Variants in DLGAP2 observed in about 807,000 individuals in gnomAD.
The protein encoded by DLGAP2 is DLG associated protein 2.
Under a neutral mutation model 100.3 loss-of-function variants are expected in DLGAP2, and 26 were observed. The ratio of observed to expected loss-of-function variants is 0.26; its 90% CI spans 0.19 to 0.36. The LOEUF (loss-of-function observed/expected upper bound fraction) is 0.36. Ranked by LOEUF, DLGAP2 falls within the 10% of genes least tolerant of loss-of-function variation. The probability of loss-of-function intolerance (pLI) is 1.00; values close to 1 mark genes in which losing one functional copy is unlikely to be tolerated. For missense variants in DLGAP2, 1,858 were observed against 1,453.2 expected (o/e 1.28, Z -4.53); for synonymous variants, 886 against 630.1 (o/e 1.41, Z -6.08).
intron 3 of DLGAP2, among the ~76,000 whole-genome samples, chr8:1,332,617 C>T (rs1236720431): frequency 6.6e-6 from 1 of 152,162 alleles, no homozygotes; most frequent in Admixed American, 6.5e-5. Context: ...GCACACTCAC[C>T]CCCTCCAGGT....
chr8:1,594,509 C>T (rs1796388362), intron 6 of DLGAP2, among the ~76,000 whole-genome samples: 1 of 152,066 alleles, frequency 6.6e-6, no homozygotes, highest in South Asian at 2.1e-4. Context: ...CATCGGTGAA[C>T]TCAAAGACAA....
At chr8:1,550,163 C>G (rs566683442) in intron 5 of DLGAP2, among the ~76,000 whole-genome samples, 1 of 152,206 alleles carries the variant, frequency 6.6e-6, no homozygotes, top group Non-Finnish European at 1.5e-5. Flanking sequence ...GCAGTTTCTT[C>G]CAGCTCACCT....
chr8:844,679 T>C (rs2132721121), intron 1 of DLGAP2, among the ~76,000 whole-genome samples: 1 of 152,384 alleles, frequency 6.6e-6, no homozygotes, highest in East Asian at 1.9e-4. Context: ...TTCAACCTCA[T>C]ATACATGAAA....
chr8:895,022 A>G (rs1046392049), intron 1 of DLGAP2, among the ~76,000 whole-genome samples: 10 of 11,210 alleles, frequency 8.9e-4, no homozygotes, highest in African/African-American at 1.8e-3. Flanking sequence ...AGGGTGGGGG[A>G]GTGGGGTGGT....
chr8:910,129 G>C (rs547046911), intron 2 of DLGAP2, among the ~76,000 whole-genome samples: 7 of 152,332 alleles, frequency 4.6e-5, no homozygotes, highest in African/African-American at 1.7e-4. Flanking sequence ...AGAATGTAGC[G>C]AATGCTCCAA....
chr8:981,332 C>A (rs1800325662), intron 2 of DLGAP2, among the ~76,000 whole-genome samples: 1 of 152,080 alleles, frequency 6.6e-6, no homozygotes. Flanking sequence ...CTGATGGGGA[C>A]TTTGGCTGTG....
intron 1 of DLGAP2, among the ~76,000 whole-genome samples, chr8:899,371 CCA>C (rs1218406296): frequency 6.6e-6 from 1 of 152,198 alleles, no homozygotes; most frequent in East Asian, 1.9e-4. Flanking sequence ...CTTCCCTGGG[CCA>C]CGCTGCTGAG....
chr8:888,332 C>T (rs1229649292), intron 1 of DLGAP2, among the ~76,000 whole-genome samples: 1 of 152,170 alleles, frequency 6.6e-6, no homozygotes, highest in East Asian at 1.9e-4. Context: ...GAACATGCTC[C>T]TTTAGCTCAT....
intron 2 of DLGAP2, among the ~76,000 whole-genome samples, chr8:1,185,343 A>G (rs1797476866): frequency 6.6e-6 from 1 of 152,126 alleles, no homozygotes; most frequent in African/African-American, 2.4e-5. Context: ...TGCTGACGTC[A>G]TCCTGGAATC....
At chr8:1,251,919 C>T (rs1018910022) in intron 2 of DLGAP2, among the ~76,000 whole-genome samples, 1 of 152,252 alleles carries the variant, frequency 6.6e-6, no homozygotes, top group African/African-American at 2.4e-5. Context: ...TCACGTGGGC[C>T]TGTTTTCCCA....
At chr8:1,152,148 T>G (rs1306661769) in intron 2 of DLGAP2, among the ~76,000 whole-genome samples, 1 of 152,266 alleles carries the variant, frequency 6.6e-6, no homozygotes, top group African/African-American at 2.4e-5. Context: ...TCTGTAAATT[T>G]TATTTGTAGA....
chr8:1,370,798 G>T (rs1335939057), intron 3 of DLGAP2, among the ~76,000 whole-genome samples: 1 of 152,204 alleles, frequency 6.6e-6, no homozygotes, highest in Non-Finnish European at 1.5e-5. Context: ...CCTGGGGCAA[G>T]TTCCACTCCT....
intron 3 of DLGAP2, among the ~76,000 whole-genome samples, chr8:1,491,247 C>T (rs1006704631): frequency 1.3e-5 from 2 of 152,168 alleles, no homozygotes; most frequent in Non-Finnish European, 2.9e-5. Flanking sequence ...ATGTAACTGG[C>T]GTCCCAGGTT....
At chr8:922,435 T>C (rs1798734333) in intron 2 of DLGAP2, among the ~76,000 whole-genome samples, 1 of 152,194 alleles carries the variant, frequency 6.6e-6, no homozygotes, top group Non-Finnish European at 1.5e-5. Flanking sequence ...TAAAAGTAAT[T>C]CCAGGAAGGC....
chr8:1,188,101 C>T (rs183117314), intron 2 of DLGAP2, among the ~76,000 whole-genome samples: 2 of 141,362 alleles, frequency 1.4e-5, no homozygotes, highest in Non-Finnish European at 3.0e-5. Context: ...TCTCACACAC[C>T]CGGGACCTCC....
chr8:1,269,851 C>T (rs1799543567), intron 3 of DLGAP2, among the ~76,000 whole-genome samples: 1 of 152,026 alleles, frequency 6.6e-6, no homozygotes, highest in Non-Finnish European at 1.5e-5. Flanking sequence ...CGCCAGAAGC[C>T]CTGGAACCAA....
chr8:1,283,147 C>T (rs1799853268), intron 3 of DLGAP2, among the ~76,000 whole-genome samples: 4 of 150,154 alleles, frequency 2.7e-5, no homozygotes, highest in Admixed American at 2.7e-4. Flanking sequence ...GAACCCAGCA[C>T]GTGAACCATC....
chr8:1,385,720 C>T (rs1448118335), intron 3 of DLGAP2, among the ~76,000 whole-genome samples: 1 of 143,094 alleles, frequency 7.0e-6, no homozygotes, highest in Non-Finnish European at 1.5e-5. Context: ...CTGTGCCCGT[C>T]CCCTGAGAAC....
intron 2 of DLGAP2, among the ~76,000 whole-genome samples, chr8:1,075,341 G>T (rs191203300): frequency 6.6e-6 from 1 of 152,252 alleles, no homozygotes; most frequent in East Asian, 1.9e-4. Flanking sequence ...CGTGCATTGT[G>T]GGGTGCTGGA....
Sources: allele counts gnomAD v4.1 joint callset (sites outside exome capture counted in the v4.1 genomes callset), GRCh38; gene constraint gnomAD v4.1.1; transcripts MANE v1.5; gene names NCBI Gene and HGNC (gene_info 2026-07-23, HGNC 2026-07-21).